Variants in PDE2A observed in about 807,000 individuals in gnomAD.
PDE2A encodes the protein phosphodiesterase 2A.
Under a neutral mutation model 133.6 loss-of-function variants are expected in PDE2A, and 53 were observed. The ratio of observed to expected loss-of-function variants is 0.40; its 90% CI spans 0.32 to 0.50. The LOEUF (loss-of-function observed/expected upper bound fraction) is 0.50. Among genes scored for constraint, PDE2A ranks in the 20% least tolerant of loss-of-function variants. PDE2A has a pLI of 0.73. For synonymous variants in PDE2A, 491 were observed against 490.2 expected (o/e 1.00, Z -0.02); for missense variants, 796 against 1,232.4 (o/e 0.65, Z 5.30).
intron 1 of PDE2A, 80 bp downstream of exon 1, chr11:72,674,057 G>C: frequency 7.0e-7 from 1 of 1,425,802 alleles, no homozygotes; most frequent in South Asian, 1.2e-5. Context: ...GCCAACCCCA[G>C]CTCCTTGGAG....
chr11:72,629,238 G>A (rs1301140235), intron 2 of PDE2A, among the ~76,000 whole-genome samples: 1 of 151,238 alleles, frequency 6.6e-6, no homozygotes, highest in African/African-American at 2.5e-5. Flanking sequence ...TGGACAAAGA[G>A]CAGAACTTGA....
intron 19 of PDE2A, among the ~76,000 whole-genome samples, chr11:72,583,747 C>T (rs934864293): frequency 1.1e-4 from 16 of 152,144 alleles, no homozygotes; most frequent in Non-Finnish European, 4.4e-5. Context: ...GCCCTTTGCA[C>T]TCCCCCACAC....
In PDE2A at chr11:72,596,588, C is replaced by T; in HGVS notation, c.489+5G>A. The T allele has an allele frequency of 6.7e-7, 1 of 1,486,636 alleles. No individual in the cohort carries two copies. Among genetic ancestry groups the T allele is most frequent in the Admixed American group, 2.1e-5 (1 of 47,890 alleles). 92.1% of individuals were successfully genotyped at this position (1,486,636 alleles called of 1,614,324 possible). ...CTACATCCCACCGCCTAGGCAGGCT[C>T]TTACCAAGATGACAGCTGCCACGGC... On this transcript the variant is annotated splice_donor_5th_base_variant and intron_variant, in intron 6 of 30. Transcript: ENST00000334456.
At chr11:72,666,997 T>C (rs1271598264) in intron 1 of PDE2A, among the ~76,000 whole-genome samples, 1 of 152,078 alleles carries the variant, frequency 6.6e-6, no homozygotes, top group Non-Finnish European at 1.5e-5. Flanking sequence ...TCCCAGCTAC[T>C]CAGGAGGCTG....
At chr11:72,630,002 T>A (rs956005801) in intron 2 of PDE2A, among the ~76,000 whole-genome samples, 26 of 150,914 alleles carry the variant, frequency 1.7e-4, no homozygotes, top group African/African-American at 3.1e-4. Context: ...TCTCTCTCTC[T>A]CACACACACA....
At chr11:72,651,768 A>T (rs1854748611) in intron 1 of PDE2A, among the ~76,000 whole-genome samples, 1 of 152,140 alleles carries the variant, frequency 6.6e-6, no homozygotes, top group South Asian at 2.1e-4. Context: ...GGGATAAGGG[A>T]TCTTTAACCC....
chr11:72,612,275 CCACACACACACACACACA>C (rs55775130), intron 2 of PDE2A, among the ~76,000 whole-genome samples: 255 of 124,264 alleles, frequency 2.1e-3, no homozygotes, highest in East Asian at 0.02. Context: ...CACATCACAT[CCACACACACACACACACA>C]CACACACACA....
chr11:72,625,246 C>T (rs992658929), intron 2 of PDE2A, among the ~76,000 whole-genome samples: 10 of 152,234 alleles, frequency 6.6e-5, no homozygotes, highest in African/African-American at 1.7e-4. Flanking sequence ...GGTCCACCAA[C>T]CTGGATCCCC....
At position 72,577,498 on chromosome 11, in the gene PDE2A, G is replaced by T. The variant is rs1855519576; in HGVS notation, c.2712C>A (p.Ile904=). Residue 904 remains isoleucine, a synonymous_variant, in exon 31 of 31, where the codon ATC becomes ATA. Coordinates refer to ENST00000334456, the MANE Select transcript of PDE2A (RefSeq NM_002599.5). ...HWTKVSHKFT[I]RGLPSNNSLD... Reference sequence around the variant, plus strand: ...GCGAGTTGTTACTTGGGAGGCCGCGGATGGTGAACTTGTGGGACACCTTGG... The same window carrying T: ...GCGAGTTGTTACTTGGGAGGCCGCGTATGGTGAACTTGTGGGACACCTTGG... 6.2e-7 allele frequency: 1 copy of T among 1,613,694 alleles called. No homozygotes were observed.
At chr11:72,663,790 G>A (rs1274661359) in intron 1 of PDE2A, among the ~76,000 whole-genome samples, 1 of 152,010 alleles carries the variant, frequency 6.6e-6, no homozygotes, top group Non-Finnish European at 1.5e-5. Flanking sequence ...AGTGTTCAGA[G>A]GCAGAGCCTG....
chr11:72,594,967 G>A (rs560892148), intron 6 of PDE2A, among the ~76,000 whole-genome samples: 202 of 152,078 alleles, frequency 1.3e-3, no homozygotes, highest in African/African-American at 4.6e-3. Context: ...CCAGCCTGCC[G>A]CAGGACCAGA....
In PDE2A at chr11:72,577,291, C is replaced by T. The variant is rs974907280; in HGVS notation, c.*93G>A. The T allele has an allele frequency of 3.2e-6, 3 of 925,432 alleles. No homozygotes were observed. The African/African-American group carries it at 4.9e-5, about 15-fold the overall frequency. The allele number at this position is 925,432 out of a possible 1,614,324, so 57.3% of individuals were successfully genotyped here. On this transcript the variant is annotated 3_prime_UTR_variant, in exon 31 of 31. Transcript: ENST00000334456. ...TCACACAGGAAGTCCTGGTCTAGGA[C>T]CCAGGACCCGTGGCTCTGTTCCCAG...
intron 25 of PDE2A, 133 bp downstream of exon 25, chr11:72,580,444 G>T: frequency 1.4e-6 from 1 of 727,946 alleles, no homozygotes; most frequent in Non-Finnish European, 2.5e-6. Context: ...AGCCAGACAT[G>T]TCCTAGGTGT....
Position 72,584,395 on chromosome 11 carries a change from G to A in PDE2A, c.1538-82C>T, listed in dbSNP as rs781126703. ...AGGGATCCGGCCGGGACCTGCCCTC[G>A]CAGTTTCCGCAGGTTACGTACGTCC... On this transcript the variant is annotated intron_variant, in intron 18 of 30. Coordinates refer to ENST00000334456, the MANE Select transcript of PDE2A (RefSeq NM_002599.5). The A allele has an allele frequency of 2.0e-5, 25 of 1,227,498 alleles. No homozygotes were observed. The South Asian group carries it at 3.0e-4, about 15-fold the overall frequency. The allele number at this position is 1,227,498 out of a possible 1,614,324, so 76.0% of individuals were successfully genotyped here.
At chr11:72,641,782 T>C (rs550091903) in intron 2 of PDE2A, among the ~76,000 whole-genome samples, 3 of 152,312 alleles carry the variant, frequency 2.0e-5, no homozygotes, top group Admixed American at 6.5e-5. Flanking sequence ...GGTGGGAATC[T>C]GAGCGGGTGT....
At chr11:72,589,408 C>T (rs1279466576) in intron 11 of PDE2A, among the ~76,000 whole-genome samples, 168 bp from the exon 12 acceptor site, 1 of 152,134 alleles carries the variant, frequency 6.6e-6, no homozygotes, top group East Asian at 1.9e-4. Flanking sequence ...TGGCAGAATT[C>T]GCTATAAAGG....
At chr11:72,658,311 C>G (rs1854955420) in intron 1 of PDE2A, 1 of 364,602 alleles carries the variant, frequency 2.7e-6, no homozygotes, top group Admixed American at 3.6e-5. Context: ...TCCCACCTAG[C>G]TACCCTCCTG....
chr11:72,658,170 C>T (rs542673168), intron 1 of PDE2A: 2 of 454,976 alleles, frequency 4.4e-6, no homozygotes, highest in African/African-American at 4.0e-5. Context: ...CAGGATGCCC[C>T]ACCCCGACTT....
chr11:72,580,709 C>T, intron 24 of PDE2A, 85 bp from the exon 25 acceptor site: 1 of 1,159,990 alleles, frequency 8.6e-7, no homozygotes, highest in Admixed American at 2.0e-5. Flanking sequence ...TCCTGCCCTT[C>T]CACCTTTCTC....
Sources: gnomAD v4.1 joint callset for allele counts (sites outside exome capture counted in the v4.1 genomes callset) on GRCh38, gnomAD v4.1.1 for gene constraint, MANE v1.5 for transcripts, NCBI Gene and HGNC (gene_info 2026-07-23, HGNC 2026-07-21) for gene names.